RREB1: variants seen among roughly 807,000 people sequenced by gnomAD.
RREB1 encodes the protein ras-responsive element-binding protein 1.
Under a neutral mutation model 117.8 loss-of-function variants are expected in RREB1, and 27 were observed. The ratio of observed to expected loss-of-function variants is 0.23; its 90% confidence interval spans 0.17 to 0.32. RREB1 has a LOEUF of 0.32. RREB1 is among the 10% of genes least tolerant of loss of function. RREB1 has a pLI of 1.00. For synonymous variants in RREB1, 1,298 were observed against 1,026.7 expected (o/e 1.26, Z -5.05); for missense variants, 2,577 against 2,378.2 (o/e 1.08, Z -1.74).
intron 6 of RREB1, among the ~76,000 whole-genome samples, chr6:7,200,413 G>A (rs1765905463): frequency 6.6e-6 from 1 of 151,908 alleles, no homozygotes; most frequent in South Asian, 2.1e-4. Flanking sequence ...GGGATAACAG[G>A]CATGCGCCAC....
In RREB1 at chr6:7,246,536, G is replaced by T. The variant is rs1257231440; in HGVS notation, c.4086G>T (p.Gly1362=). Residue 1362 remains glycine (G), a synonymous_variant, in exon 12 of 13, where the codon GGG becomes GGT. Transcript: ENST00000379938. Reference sequence around the variant, plus strand: ...CCACTGAGCTCCGCCAGGTCGCAGGGGATGCGCCTGTGGAGCAGGCCACGG... The same window carrying T: ...CCACTGAGCTCCGCCAGGTCGCAGGTGATGCGCCTGTGGAGCAGGCCACGG... The part of the protein sequence containing the change: ...EGATELRQVA[G]DAPVEQATAE... The T allele has an allele frequency of 5.2e-6, 8 of 1,547,570 alleles. No individual in the cohort carries two copies. The highest frequency in any genetic ancestry group is 7.0e-6 in the Non-Finnish European group (8 of 1,146,396).
At position 7,249,039 on chromosome 6, in the gene RREB1, A is replaced by C; in HGVS notation, c.*71A>C. On this transcript the variant is annotated 3_prime_UTR_variant, in exon 13 of 13. Coordinates refer to ENST00000379938, the MANE Select transcript of RREB1 (RefSeq NM_001003699.4). ...CGTCTATACTTCATGGGGTTTCCTC[A>C]GTGCCCTTTGGCTGTTGAGGAGTGA... The C allele has an allele frequency of 1.8e-6, 2 of 1,118,188 alleles. No individual in the cohort carries two copies. The highest frequency in any genetic ancestry group is 2.5e-6 in the Non-Finnish European group (2 of 814,572). The allele number at this position is 1,118,188 out of a possible 1,614,324, so 69.3% of individuals were successfully genotyped here. A position where few individuals can be genotyped will look rare whatever the true frequency, so the allele number is the denominator to read the frequency against.
rs1291138701 is a variant in RREB1, at chr6:7,240,542, A to G, written c.3913A>G (p.Arg1305Gly). The change falls in exon 11 of 13, where the codon AGA (arginine) becomes GGA (glycine). Residue 1305 changes from arginine to glycine, a missense_variant. Transcript: ENST00000379938. Reference protein sequence around the residue: ...RKHGVTTCSLRRNGLIPQSKE... With the variant: ...RKHGVTTCSLGRNGLIPQSKE... ...ACACGGAGTTACCACCTGTTCCCTG[A>G]GAAGAAACGGGCTTATCCCCCAGTC... 67 of 1,614,008 alleles carry G rather than the reference A, an allele frequency of 4.2e-5. No individual in the cohort carries two copies. The highest frequency in any genetic ancestry group is 5.5e-5 in the Non-Finnish European group (65 of 1,179,952).
rs116018800 is a variant in RREB1, at chr6:7,175,725, A to T, written c.-284-930A>T. Among the ~76,000 whole-genome samples the T allele has an allele frequency of 7.6e-3, 1,157 of 152,280 alleles. 15 individuals carry two copies. Among genetic ancestry groups the T allele is most frequent in the African/African-American group, 0.026 (1,084 of 41,548 alleles). ...CCAGCACAGGGCTTTGAAGCCCTTGACACCCCAGAGCAGACTTGCTCAAAC... is the reference window on the plus strand; with the variant it reads ...CCAGCACAGGGCTTTGAAGCCCTTGTCACCCCAGAGCAGACTTGCTCAAAC... On this transcript the variant is annotated intron_variant, in intron 1 of 12. Coordinates refer to ENST00000379938, the MANE Select transcript of RREB1 (RefSeq NM_001003699.4).
In RREB1 at chr6:7,189,293, G is replaced by A; in HGVS notation, c.396G>A (p.Gln132=). The change falls in exon 6 of 13, where the codon CAG becomes CAA. Residue 132 remains glutamine (Q), a synonymous_variant. Coordinates refer to ENST00000379938, the MANE Select transcript of RREB1 (RefSeq NM_001003699.4). ...ERPYKCTVCG[Q]SFTTNGNMHR... ...CTTACAAGTGCACTGTGTGTGGCCAGTCATTTACCACCAATGGGAACATGC... is the reference window on the plus strand; with the variant it reads ...CTTACAAGTGCACTGTGTGTGGCCAATCATTTACCACCAATGGGAACATGC... 6.3e-7 allele frequency: 1 copy of A among 1,598,280 alleles called. No individual in the cohort carries two copies. The highest frequency in any genetic ancestry group is 8.5e-7 in the Non-Finnish European group (1 of 1,171,728).
At chr6:7,181,510 G>A in intron 3 of RREB1, 1 of 499,424 alleles carries the variant, frequency 2.0e-6, no homozygotes, top group Non-Finnish European at 3.5e-6. Flanking sequence ...ATAAGCCTAG[G>A]TTCTTAGGAG....
chr6:7,196,091 C>T (rs74409395), intron 6 of RREB1, among the ~76,000 whole-genome samples: 18,367 of 152,092 alleles, frequency 0.12, 1,534 homozygotes, highest in Non-Finnish European at 0.18. Context: ...TGTCCACACG[C>T]ACACGTGGGA....
At chr6:7,135,246 A>G (rs987648244) in intron 1 of RREB1, among the ~76,000 whole-genome samples, 10 of 152,212 alleles carry the variant, frequency 6.6e-5, no homozygotes, top group Admixed American at 2.6e-4. Flanking sequence ...AGGTGACACA[A>G]TGATACCCAT....
chr6:7,246,847 A>G lies in RREB1; in HGVS notation c.4397A>G (p.His1466Arg). The change falls in exon 12 of 13, where the codon CAC becomes CGC. Residue 1466 changes from histidine (H) to arginine (R), a missense_variant. Coordinates refer to ENST00000379938, the MANE Select transcript of RREB1 (RefSeq NM_001003699.4). ...SFKFLGTLSRHRKAHGRQEPK... is the reference protein window; with the variant it reads ...SFKFLGTLSRRRKAHGRQEPK... ...AAGTTCCTGGGCACCCTGAGCCGCCACCGGAAGGCGCACGGCCGCCAGGAG... is the reference window on the plus strand; with the variant it reads ...AAGTTCCTGGGCACCCTGAGCCGCCGCCGGAAGGCGCACGGCCGCCAGGAG... 6.4e-7 allele frequency: 1 copy of G among 1,553,242 alleles called. No homozygotes were observed. The highest frequency in any genetic ancestry group is 8.7e-7 in the Non-Finnish European group (1 of 1,148,644).
At chr6:7,241,606 G>A (rs1488550732) in intron 11 of RREB1, among the ~76,000 whole-genome samples, 1 of 152,188 alleles carries the variant, frequency 6.6e-6, no homozygotes, top group Non-Finnish European at 1.5e-5. Flanking sequence ...CCCTGCCTCA[G>A]GAGTCAGTGT....
chr6:7,251,489 C>CTTGTTTTTT lies in RREB1; in HGVS notation c.*2523_*2524insGTTTTTTTT, dbSNP rs747198771. 3.3e-5 allele frequency: 4 copies of CTTGTTTTTT among 121,350 alleles called. No homozygotes were observed. The highest frequency in any genetic ancestry group is 8.4e-5 in the Admixed American group (1 of 11,894). 7.5% of individuals were successfully genotyped at this position (121,350 alleles called of 1,614,324 possible). On this transcript the variant is annotated 3_prime_UTR_variant, in exon 13 of 13. Transcript: ENST00000379938. Reference sequence around the variant, plus strand: ...GTTTTTTGAGGTGCAAGTTTTTTCTCTTTTTTTTTTTTTTTTTTTTTTCTC... The same window carrying CTTGTTTTTT: ...GTTTTTTGAGGTGCAAGTTTTTTCTCTTGTTTTTTTTTTTTTTTTTTTTTTTTTTTTCTC...
chr6:7,170,541 G>C (rs1764158924), intron 1 of RREB1, among the ~76,000 whole-genome samples: 1 of 152,202 alleles, frequency 6.6e-6, no homozygotes. Flanking sequence ...GTTTGCTGGA[G>C]AGAAGGCTTT....
intron 1 of RREB1, among the ~76,000 whole-genome samples, chr6:7,125,984 G>GTTTT (rs994335858): frequency 6.3e-5 from 7 of 110,794 alleles, no homozygotes; most frequent in African/African-American, 1.9e-4. Context: ...GAGAAGGACT[G>GTTTT]TTTTTTGTTT....
chr6:7,191,285 A>T (rs551146623), intron 6 of RREB1, among the ~76,000 whole-genome samples: 1 of 151,788 alleles, frequency 6.6e-6, no homozygotes, highest in African/African-American at 2.4e-5. Context: ...TAAAGTGTGC[A>T]CTTCAGTGGG....
chr6:7,130,377 C>G (rs207466676), intron 1 of RREB1, among the ~76,000 whole-genome samples: 1 of 152,158 alleles, frequency 6.6e-6, no homozygotes, highest in African/African-American at 2.4e-5. Flanking sequence ...TCCACGCGCT[C>G]TGGACGTCAC....
At chr6:7,118,411 G>A (rs1203030503) in intron 1 of RREB1, among the ~76,000 whole-genome samples, 2 of 152,106 alleles carry the variant, frequency 1.3e-5, no homozygotes, top group African/African-American at 4.8e-5. Flanking sequence ...GTGAGCCACC[G>A]CTCCCGCCCA....
intron 1 of RREB1, among the ~76,000 whole-genome samples, chr6:7,112,946 G>A (rs1761215667): frequency 6.6e-6 from 1 of 152,168 alleles, no homozygotes. Flanking sequence ...GGAGGAGACT[G>A]GGAGCGATCG....
intron 8 of RREB1, among the ~76,000 whole-genome samples, chr6:7,224,496 A>G (rs1349032748): frequency 2.0e-5 from 3 of 151,788 alleles, no homozygotes; most frequent in Non-Finnish European, 4.4e-5. Context: ...GGAGGGTGCA[A>G]TTGAACTTGA....
chr6:7,232,418 T>C (rs902463308), intron 10 of RREB1, among the ~76,000 whole-genome samples: 3 of 152,174 alleles, frequency 2.0e-5, no homozygotes, highest in Non-Finnish European at 4.4e-5. Flanking sequence ...ATATGACAAA[T>C]TGTGAGGTTG....
Sources: gnomAD v4.1 joint callset for allele counts (sites outside exome capture counted in the v4.1 genomes callset) on GRCh38, gnomAD v4.1.1 for gene constraint, MANE v1.5 for transcripts, NCBI Gene and HGNC (gene_info 2026-07-23, HGNC 2026-07-21) for gene names.